STOX1: variants seen among roughly 807,000 people sequenced by gnomAD.
The protein encoded by STOX1 is storkhead-box protein 1.
Under a neutral mutation model 74.8 loss-of-function variants are expected in STOX1, and 57 were observed. The ratio of observed to expected loss-of-function variants is 0.76; its 90% CI spans 0.62 to 0.95. The LOEUF (loss-of-function observed/expected upper bound fraction) is 0.95. Ranked by LOEUF, STOX1 falls within the 40% of genes least tolerant of loss-of-function variation. The pLI is 0.00. For missense variants in STOX1, 1,010 were observed against 1,117.0 expected (o/e 0.90, Z 1.37); for synonymous variants, 375 against 401.3 (o/e 0.93, Z 0.78).
chr10:68,869,868 A>G (rs1840494659), intron 1 of STOX1, among the ~76,000 whole-genome samples: 1 of 152,166 alleles, frequency 6.6e-6, no homozygotes, highest in Non-Finnish European at 1.5e-5. Context: ...TGAATGTTCC[A>G]CAGAACTCTT....
At chr10:68,845,742 T>C (rs1440975064) in intron 1 of STOX1, among the ~76,000 whole-genome samples, 4 of 151,226 alleles carry the variant, frequency 2.6e-5, no homozygotes, top group Non-Finnish European at 5.9e-5. Context: ...TCTGGGATTA[T>C]AGGCGCATGC....
At chr10:68,860,250 A>G (rs956954421) in intron 1 of STOX1, among the ~76,000 whole-genome samples, 2 of 150,066 alleles carry the variant, frequency 1.3e-5, no homozygotes, top group Non-Finnish European at 3.0e-5. Flanking sequence ...CCTCGGTGAC[A>G]GAGCAAGACT....
At chr10:68,832,343 A>AC (rs1480536021) in intron 1 of STOX1, among the ~76,000 whole-genome samples, 1 of 151,968 alleles carries the variant, frequency 6.6e-6, no homozygotes. Context: ...CCACCCTGTC[A>AC]CCCCCAGCAG....
At chr10:68,886,659 T>C in intron 3 of STOX1, 41 bp downstream of exon 3, 1 of 1,585,344 alleles carries the variant, frequency 6.3e-7, no homozygotes. Context: ...CCGGGCGCAG[T>C]GGCTCATGCC....
At chr10:68,854,672 C>T (rs1348006068) in intron 1 of STOX1, among the ~76,000 whole-genome samples, 1 of 152,082 alleles carries the variant, frequency 6.6e-6, no homozygotes, top group Admixed American at 6.5e-5. Flanking sequence ...GCTACTTGAT[C>T]TACCTGGGGT....
At chr10:68,864,352 A>AT (rs1840349250) in intron 1 of STOX1, among the ~76,000 whole-genome samples, 1 of 152,346 alleles carries the variant, frequency 6.6e-6, no homozygotes, top group African/African-American at 2.4e-5. Context: ...GAATTTAGTT[A>AT]TTTTAAGGAG....
chr10:68,893,934 A>C (rs547480269), downstream of STOX1, among the ~76,000 whole-genome samples: 1 of 152,268 alleles, frequency 6.6e-6, no homozygotes, highest in South Asian at 2.1e-4. Context: ...TTTTCTGTTA[A>C]GCTTTTTCAG....
chr10:68,891,995 A>C (rs1648823609), intron 3 of STOX1, among the ~76,000 whole-genome samples: 1 of 151,496 alleles, frequency 6.6e-6, no homozygotes, highest in African/African-American at 2.4e-5. Flanking sequence ...TAATTTTTGT[A>C]TTTTTAGTAG....
intron 1 of STOX1, among the ~76,000 whole-genome samples, chr10:68,879,217 TTTTTATTTCCTAGTAC>T (rs2131988179): frequency 6.6e-6 from 1 of 152,268 alleles, no homozygotes; most frequent in African/African-American, 2.4e-5. Flanking sequence ...TCTTACTCAT[TTTTTATTTCCTAGTAC>T]TTTGAGAATA....
At position 68,864,167 on chromosome 10, in the gene STOX1, G is replaced by A. The variant is rs190476066; in HGVS notation, c.311-17791G>A. 1.6e-3 allele frequency among the ~76,000 whole-genome samples: 236 copies of A among 151,922 alleles called. 2 individuals are homozygous for A. The highest frequency in any genetic ancestry group is 5.4e-3 in the African/African-American group (222 of 41,448). On this transcript the variant is annotated intron_variant, in intron 1 of 3. Coordinates refer to ENST00000298596, the MANE Select transcript of STOX1 (RefSeq NM_152709.5). The stretch of plus-strand genomic sequence containing the variant: ...TCTCGATCTCCTGACCTCGTGATCC[G>A]CCCGCCTCGGCCTCCCAAAGTGTTG...
chr10:68,828,508 T>C (rs1307641974), intron 1 of STOX1, among the ~76,000 whole-genome samples: 3 of 152,026 alleles, frequency 2.0e-5, no homozygotes, highest in African/African-American at 2.4e-5. Context: ...TAGTACTGGC[T>C]CCGGGCTGAG....
intron 1 of STOX1, among the ~76,000 whole-genome samples, chr10:68,873,678 A>C (rs1174972609): frequency 9.4e-6 from 1 of 106,740 alleles, no homozygotes; most frequent in African/African-American, 3.8e-5. Flanking sequence ...TTTTTTTGAG[A>C]CGGAGTCTCG....
At chr10:68,840,583 C>T (rs1839668249) in intron 1 of STOX1, among the ~76,000 whole-genome samples, 1 of 149,022 alleles carries the variant, frequency 6.7e-6, no homozygotes, top group Non-Finnish European at 1.5e-5. Flanking sequence ...TTTTTTGAGA[C>T]AGAGTCTCAT....
At chr10:68,846,119 T>TTTTTTAATTA (rs1167242930) in intron 1 of STOX1, among the ~76,000 whole-genome samples, 2 of 135,848 alleles carry the variant, frequency 1.5e-5, no homozygotes, top group African/African-American at 5.3e-5. Flanking sequence ...GCTTGAGGTT[T>TTTTTTAATTA]TTATTATTAT....
intron 3 of STOX1, among the ~76,000 whole-genome samples, chr10:68,888,095 G>A (rs552587412): frequency 2.6e-5 from 4 of 151,232 alleles, no homozygotes; most frequent in East Asian, 3.9e-4. Flanking sequence ...GCACACACAC[G>A]CGCACACACA....
At chr10:68,844,927 T>G (rs1839800185) in intron 1 of STOX1, among the ~76,000 whole-genome samples, 1 of 151,744 alleles carries the variant, frequency 6.6e-6, no homozygotes. Flanking sequence ...CACGCCCAGC[T>G]AATTTTTGTA....
intron 1 of STOX1, among the ~76,000 whole-genome samples, chr10:68,858,313 G>T (rs970401794): frequency 1.3e-5 from 2 of 152,080 alleles, no homozygotes; most frequent in Non-Finnish European, 2.9e-5. Context: ...GATTTCTTAA[G>T]AGTTGCAAAC....
At chr10:68,864,759 G>A (rs1185308158) in intron 1 of STOX1, among the ~76,000 whole-genome samples, 2 of 152,184 alleles carry the variant, frequency 1.3e-5, no homozygotes, top group Admixed American at 6.5e-5. Flanking sequence ...TCAATTAGCT[G>A]CAGCTCTGCC....
At chr10:68,829,759 C>CA (rs1839359083) in intron 1 of STOX1, among the ~76,000 whole-genome samples, 1 of 152,098 alleles carries the variant, frequency 6.6e-6, no homozygotes, top group African/African-American at 2.4e-5. Flanking sequence ...GAGCTCTTTG[C>CA]AAAACCACAT....
Sources: gnomAD v4.1 joint callset for allele counts (sites outside exome capture counted in the v4.1 genomes callset) on GRCh38, gnomAD v4.1.1 for gene constraint, MANE v1.5 for transcripts, NCBI Gene and HGNC (gene_info 2026-07-23, HGNC 2026-07-21) for gene names.